DBF4: variants seen among roughly 807,000 people sequenced by gnomAD.
The protein encoded by DBF4 is protein DBF4 homolog A.
Under a neutral mutation model 76.6 loss-of-function variants are expected in DBF4, and 25 were observed. The ratio of observed to expected loss-of-function variants is 0.33; its 90% CI spans 0.24 to 0.46. DBF4 has a LOEUF of 0.46. DBF4 is among the 20% of genes least tolerant of loss of function. The pLI is 1.00. For synonymous variants in DBF4, 213 were observed against 258.0 expected, an observed-to-expected ratio of 0.83 and a Z score of 1.67; for missense variants, 638 against 760.8, an observed-to-expected ratio of 0.84 and a Z score of 1.90.
At chr7:87,902,616 T>C (rs368174006) in intron 10 of DBF4, among the ~76,000 whole-genome samples, 5 of 152,174 alleles carry the variant, frequency 3.3e-5, no homozygotes, top group Non-Finnish European at 5.9e-5. Context: ...TTAAGACTTA[T>C]AAGGATGAGT....
rs758589203 is a variant in DBF4, at chr7:87,888,058, G to C, written c.596G>C (p.Gly199Ala). 7 of 1,548,432 alleles carry C rather than the reference G, an allele frequency of 4.5e-6. No individual in the cohort carries two copies. The East Asian group carries it at 1.6e-4, about 36-fold the overall frequency. The part of the protein sequence containing the change: ...LKKSSTSVRD[G>A]GKRVGSGAQK... The stretch of plus-strand genomic sequence containing the variant: ...AAATCAAGTACTTCAGTAAGAGATG[G>C]GGTATGTTTTCTTTTTCAATTTTTA... Residue 199 changes from glycine (G) to alanine (A), a missense_variant and splice_region_variant, in exon 6 of 12, where the codon GGG becomes GCG. Gly to Ala is a moderately conservative substitution (Grantham distance 60). Transcript: ENST00000265728.
intron 11 of DBF4, among the ~76,000 whole-genome samples, chr7:87,905,971 A>T (rs1839903283): frequency 6.6e-6 from 1 of 151,770 alleles, no homozygotes; most frequent in South Asian, 2.1e-4. Flanking sequence ...AGACCAGCCT[A>T]GCCAACGTGG....
At chr7:87,890,197 C>G (rs888763782) in intron 6 of DBF4, among the ~76,000 whole-genome samples, 5 of 152,158 alleles carry the variant, frequency 3.3e-5, no homozygotes, top group African/African-American at 9.7e-5. Flanking sequence ...GATCACAACT[C>G]TGAATTGACT....
intron 7 of DBF4, among the ~76,000 whole-genome samples, chr7:87,896,805 C>T (rs1839651248): frequency 6.6e-6 from 1 of 152,148 alleles, no homozygotes; most frequent in Admixed American, 6.5e-5. Context: ...CTTTTTATTA[C>T]ACAGAACAGA....
chr7:87,896,430 C>G, intron 6 of DBF4, 44 bp from the exon 7 acceptor site: 1 of 1,555,530 alleles, frequency 6.4e-7, no homozygotes, highest in South Asian at 1.1e-5. Context: ...GCTGTTTTAA[C>G]TGTACTTTCA....
chr7:87,876,591 G>A lies in DBF4; in HGVS notation c.-142G>A, dbSNP rs117375673. ...CCCCGGAAACCCGACCTGCAGACGC[G>A]GTACCTCTACTGCGTAGAGGCCGTA... On this transcript the variant is annotated 5_prime_UTR_variant, in exon 1 of 12. Transcript: ENST00000265728. 664 of 895,172 alleles carry A rather than the reference G, an allele frequency of 7.4e-4. 5 individuals are homozygous for A. The East Asian group carries it at 0.017, about 23-fold the overall frequency. The allele number at this position is 895,172 out of a possible 1,614,324, so 55.5% of individuals were successfully genotyped here. A position where few individuals can be genotyped will look rare whatever the true frequency, so the allele number is the denominator to read the frequency against.
chr7:87,882,789 T>A (rs1197768628), intron 2 of DBF4, among the ~76,000 whole-genome samples: 1 of 152,212 alleles, frequency 6.6e-6, no homozygotes, highest in East Asian at 1.9e-4. Flanking sequence ...TGGTTACTGT[T>A]AACCAGAAAA....
At chr7:87,895,498 T>A (rs1421448156) in intron 6 of DBF4, among the ~76,000 whole-genome samples, 1 of 152,068 alleles carries the variant, frequency 6.6e-6, no homozygotes, top group Non-Finnish European at 1.5e-5. Flanking sequence ...CTGCCATTGT[T>A]TTAGCGGACA....
chr7:87,905,328 A>C (rs2131078269), intron 11 of DBF4, among the ~76,000 whole-genome samples: 1 of 152,338 alleles, frequency 6.6e-6, no homozygotes, highest in South Asian at 2.1e-4. Flanking sequence ...CAGGCTATAT[A>C]GTGTATCAGC....
chr7:87,887,055 A>G (rs1172589343), intron 4 of DBF4, among the ~76,000 whole-genome samples, 161 bp downstream of exon 4: 1 of 152,212 alleles, frequency 6.6e-6, no homozygotes, highest in Non-Finnish European at 1.5e-5. Flanking sequence ...CTTTTCATGT[A>G]GAAACATCCC....
At chr7:87,880,274 C>T (rs932904233) in intron 2 of DBF4, among the ~76,000 whole-genome samples, 9 of 152,140 alleles carry the variant, frequency 5.9e-5, no homozygotes, top group African/African-American at 1.2e-4. Context: ...ATTACTTCTG[C>T]CATACATAAT....
chr7:87,877,946 A>G (rs1230978361), intron 1 of DBF4, 107 bp from the exon 2 acceptor site: 2 of 934,270 alleles, frequency 2.1e-6, no homozygotes, highest in East Asian at 2.8e-5. Flanking sequence ...AATAACTTAA[A>G]CTGGTAGGGT....
chr7:87,883,152 G>A (rs750665063), intron 2 of DBF4, among the ~76,000 whole-genome samples: 2 of 152,106 alleles, frequency 1.3e-5, no homozygotes, highest in East Asian at 1.9e-4. Context: ...CACAAAAAAC[G>A]TGCTAAGTGA....
intron 3 of DBF4, 45 bp from the exon 4 acceptor site, chr7:87,886,799 C>T: frequency 8.6e-7 from 1 of 1,161,388 alleles, no homozygotes; most frequent in East Asian, 2.4e-5. Flanking sequence ...TTAACCTGTT[C>T]TCCAGTTAAG....
chr7:87,904,531 G>A, intron 11 of DBF4, 115 bp downstream of exon 11: 3 of 1,263,788 alleles, frequency 2.4e-6, no homozygotes, highest in East Asian at 6.3e-5. Context: ...CTTGAGGTCA[G>A]GAGTTCGAGA....
chr7:87,895,800 C>T (rs947418985), intron 6 of DBF4, among the ~76,000 whole-genome samples: 5 of 152,144 alleles, frequency 3.3e-5, no homozygotes, highest in African/African-American at 4.8e-5. Context: ...ACTACCTTTA[C>T]AATCTCAGCC....
At chr7:87,881,977 G>A (rs1453492606) in intron 2 of DBF4, among the ~76,000 whole-genome samples, 1 of 152,220 alleles carries the variant, frequency 6.6e-6, no homozygotes, top group Non-Finnish European at 1.5e-5. Context: ...TAATGTTGCA[G>A]TGGGATTTGA....
In DBF4 at chr7:87,909,501, C is replaced by T. The variant is rs1480095383; in HGVS notation, c.*1338C>T. ...CTTTTTAACACCTTTGTTTTTCATA[C>T]CAGTACCTGAAGTAGGCTCAATAAA... is the stretch of plus-strand genomic sequence containing the variant. On this transcript the variant is annotated 3_prime_UTR_variant, in exon 12 of 12. Coordinates refer to ENST00000265728, the MANE Select transcript of DBF4 (RefSeq NM_006716.4). The T allele has an allele frequency of 2.6e-5, 4 of 152,164 alleles. No homozygotes were observed. The highest frequency in any genetic ancestry group is 5.9e-5 in the Non-Finnish European group (4 of 68,028). 9.4% of individuals were successfully genotyped at this position (152,164 alleles called of 1,614,324 possible). A position where few individuals can be genotyped will look rare whatever the true frequency, so the allele number is the denominator to read the frequency against.
chr7:87,895,086 A>G lies in DBF4; in HGVS notation c.598-1388A>G, dbSNP rs139028376. Among the ~76,000 whole-genome samples the G allele has an allele frequency of 8.3e-3, 1,252 of 151,678 alleles. 10 individuals carry two copies. The highest frequency in any genetic ancestry group is 0.013 in the Non-Finnish European group (893 of 67,944). ...TCTTTTTTGTTTCCTCTTTTCTTCC[A>G]ATTGGAGATTTCTATTCATTTGTCT... On this transcript the variant is annotated intron_variant, in intron 6 of 11. Transcript: ENST00000265728.
Sources: gnomAD v4.1 joint callset for allele counts (sites outside exome capture counted in the v4.1 genomes callset) on GRCh38, gnomAD v4.1.1 for gene constraint, MANE v1.5 for transcripts, NCBI Gene and HGNC (gene_info 2026-07-23, HGNC 2026-07-21) for gene names.